EXOC8: variants seen among roughly 807,000 people sequenced by gnomAD.
The protein encoded by EXOC8 is exocyst complex 84 kDa subunit.
Under a neutral mutation model 50.8 loss-of-function variants are expected in EXOC8, and 19 were observed. The observed-to-expected ratio is 0.37, with a 90% CI of 0.26 to 0.55. The LOEUF (loss-of-function observed/expected upper bound fraction) is 0.55. Ranked by LOEUF, EXOC8 falls within the 20% of genes least tolerant of loss-of-function variation. The pLI is 0.80. For synonymous variants in EXOC8, 384 were observed against 367.9 expected (o/e 1.04, Z -0.50); for missense variants, 781 against 915.8 (o/e 0.85, Z 1.90).
At position 231,337,289 on chromosome 1, in the gene EXOC8, G is replaced by T; in HGVS notation, c.457C>A (p.Pro153Thr). ...GTGCGCTGCTTTCCTTCCTCGCCTG[G>T]ACCGGAGCCGTCGCGGGAGGCACCC... Reference protein sequence around the residue: ...PGGASRDGSGPGEEGKQRTLT... With the variant: ...PGGASRDGSGTGEEGKQRTLT... Residue 153 changes from proline (P) to threonine (T), a missense_variant, in exon 1 of 1, where the codon CCA (proline) becomes ACA (threonine). Physicochemically the swap from Pro to Thr is conservative, Grantham distance 38. Coordinates refer to ENST00000366645, the MANE Select transcript of EXOC8 (RefSeq NM_175876.5). The surrounding 1 kb of genome is among the most constrained non-coding windows in gnomAD (Gnocchi z 5.9). 6.2e-7 allele frequency: 1 copy of T among 1,605,340 alleles called. No individual in the cohort carries two copies.
In EXOC8 at chr1:231,337,353, G is replaced by A; in HGVS notation, c.393C>T (p.Asp131=). 5.6e-6 allele frequency: 9 copies of A among 1,602,030 alleles called. No homozygotes were observed. Among genetic ancestry groups the A allele is most frequent in the Non-Finnish European group, 7.6e-6 (9 of 1,179,734 alleles). The part of the protein sequence containing the change: ...EEGVGGAGGR[D]HLRGQAGFFS... ...AAAAGCCGGCCTGGCCTCGGAGGTGGTCTCGGCCCCCCGCCCCACCGACTC... is the reference window on the plus strand; with the variant it reads ...AAAAGCCGGCCTGGCCTCGGAGGTGATCTCGGCCCCCCGCCCCACCGACTC... The change falls in exon 1 of 1, where the codon GAC becomes GAT. Residue 131 remains aspartate, a synonymous_variant. Coordinates refer to ENST00000366645, the MANE Select transcript of EXOC8 (RefSeq NM_175876.5). The surrounding 1 kb of genome is among the most constrained non-coding windows in gnomAD (Gnocchi z 5.9).
In EXOC8 at chr1:231,334,811, T is replaced by C. The variant is rs1186564294; in HGVS notation, c.*757A>G. ...AGTTTCAAGAAAGAATTCTTTTGAC[T>C]AAAACTTACCTTAAAACCAATTTTC... is the stretch of plus-strand genomic sequence containing the variant. On this transcript the variant is annotated 3_prime_UTR_variant, in exon 1 of 1. Coordinates refer to ENST00000366645, the MANE Select transcript of EXOC8 (RefSeq NM_175876.5). 1 of 152,210 alleles carries C rather than the reference T, an allele frequency of 6.6e-6. No individual in the cohort carries two copies. The highest frequency in any genetic ancestry group is 1.5e-5 in the Non-Finnish European group (1 of 68,036). The allele number at this position is 152,210 out of a possible 1,614,324, so 9.4% of individuals were successfully genotyped here.
rs1686642739 is a variant in EXOC8 at position 231,335,318 on chromosome 1, CAGA to C, written c.*247_*249del. 7.0e-6 allele frequency: 2 copies of C among 286,320 alleles called. No homozygotes were observed. The highest frequency in any genetic ancestry group is 1.3e-5 in the Non-Finnish European group (2 of 157,786). 17.7% of individuals were successfully genotyped at this position (286,320 alleles called of 1,614,324 possible). On this transcript the variant is annotated 3_prime_UTR_variant, in exon 1 of 1. Transcript: ENST00000366645. ...ATAGTATATAGTGTGACCATAATTT[CAGA>C]AGAAGAGAATTAGCATAATTTAAAA... is the stretch of plus-strand genomic sequence containing the variant.
At position 231,337,791 on chromosome 1, in the gene EXOC8, C is replaced by T. The variant is rs751860034; in HGVS notation, c.-46G>A. The T allele has an allele frequency of 2.6e-6, 4 of 1,540,446 alleles. No homozygotes were observed. In the Admixed American group the frequency reaches 6.2e-5, roughly 24 times the overall value. ...CTCACTGTCACTATCGGCGCCGCAG[C>T]CGCCGCGGCTGTCTAGACCCACCCA... On this transcript the variant is annotated 5_prime_UTR_variant, in exon 1 of 1. Transcript: ENST00000366645. The surrounding 1 kb of genome is among the most constrained non-coding windows in gnomAD (Gnocchi z 5.9).
At position 231,336,755 on chromosome 1, in the gene EXOC8, C is replaced by A. The variant is rs761806541; in HGVS notation, c.991G>T (p.Asp331Tyr). The change falls in exon 1 of 1, where the codon GAC (aspartate) becomes TAC (tyrosine). Residue 331 changes from aspartate to tyrosine, a missense_variant. This residue lies in a region of EXOC8 where 700 missense variants were observed against 804.1 expected (regional missense o/e 0.87). Transcript: ENST00000366645. The surrounding 1 kb of genome is among the most constrained non-coding windows in gnomAD (Gnocchi z 5.4). ...TCCTGGATCCATTCCATGGAGAGGTCCACCTTCTCTTCCTCTACCTCAGGA... is the reference window on the plus strand; with the variant it reads ...TCCTGGATCCATTCCATGGAGAGGTACACCTTCTCTTCCTCTACCTCAGGA... ...AVPEVEEEKV[D>Y]LSMEWIQELP... is the part of the protein sequence containing the mutation. The A allele has an allele frequency of 1.1e-5, 18 of 1,614,212 alleles. No homozygotes were observed. Among genetic ancestry groups the A allele is most frequent in the Non-Finnish European group, 1.4e-5 (17 of 1,180,032 alleles).
Position 231,337,657 on chromosome 1 carries a change from T to A in EXOC8, c.89A>T (p.Gln30Leu). 3.1e-6 allele frequency: 5 copies of A among 1,609,976 alleles called. No homozygotes were observed. The highest frequency in any genetic ancestry group is 4.2e-6 in the Non-Finnish European group (5 of 1,179,974). ...GTCCCCATCCGACTGCTGCGAGAGC[T>A]GCTTCACGTACAGCCGCGCCTCAAA... Reference protein sequence around the residue: ...GGFEARLYVKQLSQQSDGDRD... With the variant: ...GGFEARLYVKLLSQQSDGDRD... Residue 30 changes from glutamine to leucine, a missense_variant, in exon 1 of 1, where the codon CAG (glutamine) becomes CTG (leucine). This residue lies in a region of EXOC8 where 700 missense variants were observed against 804.1 expected (regional missense o/e 0.87). Transcript: ENST00000366645. The surrounding 1 kb of genome is among the most constrained non-coding windows in gnomAD (Gnocchi z 5.9).
In EXOC8 at chr1:231,335,943, A is replaced by C; in HGVS notation, c.1803T>G (p.Phe601Leu). 1 of 1,614,166 alleles carries C rather than the reference A, an allele frequency of 6.2e-7. No homozygotes were observed. The highest frequency in any genetic ancestry group is 8.5e-7 in the Non-Finnish European group (1 of 1,180,012). Residue 601 changes from phenylalanine (F) to leucine (L), a missense_variant, in exon 1 of 1, where the codon TTT (phenylalanine) becomes TTG (leucine). Phe to Leu is a conservative substitution (Grantham distance 22, BLOSUM62 0). Coordinates refer to ENST00000366645, the MANE Select transcript of EXOC8 (RefSeq NM_175876.5). Reference protein sequence around the residue: ...EEMKSCGVSNFEQYTGDDCWV... With the variant: ...EEMKSCGVSNLEQYTGDDCWV... ...AGCAGTCATCCCCTGTGTACTGCTC[A>C]AAGTTACTTACCCCACAACTTTTCA...
Position 231,337,342 on chromosome 1 carries a change from C to A in EXOC8, c.404G>T (p.Gly135Val). 6.2e-7 allele frequency: 1 copy of A among 1,602,300 alleles called. No homozygotes were observed. Reference protein sequence around the residue: ...GGAGGRDHLRGQAGFFSTPGG... With the variant: ...GGAGGRDHLRVQAGFFSTPGG... ...GGGGGTGGAGAAAAAGCCGGCCTGG[C>A]CTCGGAGGTGGTCTCGGCCCCCCGC... The change falls in exon 1 of 1, where the codon GGC becomes GTC. Residue 135 changes from glycine (G) to valine (V), a missense_variant. Gly to Val is a moderately radical substitution (Grantham distance 109). This residue lies in a region of EXOC8 where 700 missense variants were observed against 804.1 expected (regional missense o/e 0.87). Transcript: ENST00000366645. The surrounding 1 kb of genome is among the most constrained non-coding windows in gnomAD (Gnocchi z 5.9).
Position 231,337,347 on chromosome 1 carries a change from G to A in EXOC8, c.399C>T (p.Leu133=). ...TGGAGAAAAAGCCGGCCTGGCCTCG[G>A]AGGTGGTCTCGGCCCCCCGCCCCAC... The part of the protein sequence containing the change: ...GVGGAGGRDH[L]RGQAGFFSTP... Residue 133 remains leucine (L), a synonymous_variant, in exon 1 of 1, where the codon CTC becomes CTT. Transcript: ENST00000366645. This position sits in a 1 kb window ranked among gnomAD's most constrained non-coding sequence, Gnocchi z 5.9. The A allele has an allele frequency of 6.2e-7, 1 of 1,602,392 alleles. No homozygotes were observed. Among genetic ancestry groups the A allele is most frequent in the African/African-American group, 1.3e-5 (1 of 75,038 alleles).
In EXOC8 at chr1:231,335,946, G is replaced by T. The variant is rs1361722111; in HGVS notation, c.1800C>A (p.Asn600Lys). Residue 600 changes from asparagine (N) to lysine (K), a missense_variant, in exon 1 of 1, where the codon AAC becomes AAA. Transcript: ENST00000366645. ...AGTCATCCCCTGTGTACTGCTCAAA[G>T]TTACTTACCCCACAACTTTTCATCT... ...KEEMKSCGVS[N>K]FEQYTGDDCW... is the part of the protein sequence containing the mutation. 4 of 1,614,070 alleles carry T rather than the reference G, an allele frequency of 2.5e-6. No homozygotes were observed. Among genetic ancestry groups the T allele is most frequent in the Non-Finnish European group, 2.5e-6 (3 of 1,180,054 alleles).
Position 231,335,969 on chromosome 1 carries a change from T to A in EXOC8, c.1777A>T (p.Met593Leu), listed in dbSNP as rs1423107293. Residue 593 changes from methionine (M) to leucine (L), a missense_variant, in exon 1 of 1, where the codon ATG (methionine) becomes TTG (leucine). Met to Leu is a conservative substitution (Grantham distance 15). Around this residue, in one of 3 missense-constraint regions of EXOC8, gnomAD observed 700 missense variants for 804.1 expected, o/e 0.87. Coordinates refer to ENST00000366645, the MANE Select transcript of EXOC8 (RefSeq NM_175876.5). ...PEALGKLKEE[M>L]KSCGVSNFEQ... ...AAGTTACTTACCCCACAACTTTTCA[T>A]CTCTTCTTTGAGCTTACCCAGGGCT... The A allele has an allele frequency of 3.7e-6, 6 of 1,614,186 alleles. No homozygotes were observed. The Middle Eastern group carries it at 4.9e-4, about 133-fold the overall frequency.
Position 231,337,544 on chromosome 1 carries a change from G to C in EXOC8, c.202C>G (p.Arg68Gly). Residue 68 changes from arginine (R) to glycine (G), a missense_variant, in exon 1 of 1, where the codon CGG becomes GGG. By Grantham distance (125) the Arg-to-Gly change is moderately radical. This residue lies in a region of EXOC8 where 700 missense variants were observed against 804.1 expected (regional missense o/e 0.87). Transcript: ENST00000366645. This position sits in a 1 kb window ranked among gnomAD's most constrained non-coding sequence, Gnocchi z 5.9. ...TCGCGGGCCGTCTCTATGAACTGCCGGTAGTTCTGGTAGACGTTGCGCTTC... is the reference window on the plus strand; with the variant it reads ...TCGCGGGCCGTCTCTATGAACTGCCCGTAGTTCTGGTAGACGTTGCGCTTC... ...NLKRNVYQNY[R>G]QFIETAREIS... is the part of the protein sequence containing the mutation. The C allele has an allele frequency of 6.2e-7, 1 of 1,613,204 alleles. No homozygotes were observed. The highest frequency in any genetic ancestry group is 8.5e-7 in the Non-Finnish European group (1 of 1,179,936).
Position 231,337,065 on chromosome 1 carries a change from G to A in EXOC8, c.681C>T (p.Tyr227=). The A allele has an allele frequency of 6.2e-7, 1 of 1,614,102 alleles. No individual in the cohort carries two copies. Among genetic ancestry groups the A allele is most frequent in the Non-Finnish European group, 8.5e-7 (1 of 1,180,034 alleles). The change falls in exon 1 of 1, where the codon TAC becomes TAT. Residue 227 remains tyrosine (Y), a synonymous_variant. Transcript: ENST00000366645. The surrounding 1 kb of genome is among the most constrained non-coding windows in gnomAD (Gnocchi z 5.9). ...WLPQRRGMYR[Y]NALYSLDGLA... ...AACCATCTAGGGAATAGAGAGCGTT[G>A]TAGCGATACATCCCACGCCGCTGAG...
Position 231,336,131 on chromosome 1 carries a change from G to T in EXOC8, c.1615C>A (p.Leu539Ile). ...CQQLGDIGLD[L>I]TFIIHALLVK... is the part of the protein sequence containing the mutation. ...AGAAGGGCATGGATGATGAAGGTGAGATCCAGTCCGATATCACCCAGTTGC... is the reference window on the plus strand; with the variant it reads ...AGAAGGGCATGGATGATGAAGGTGATATCCAGTCCGATATCACCCAGTTGC... Residue 539 changes from leucine (L) to isoleucine (I), a missense_variant, in exon 1 of 1, where the codon CTC (leucine) becomes ATC (isoleucine). By Grantham distance (5) the Leu-to-Ile change is conservative. Coordinates refer to ENST00000366645, the MANE Select transcript of EXOC8 (RefSeq NM_175876.5). The surrounding 1 kb of genome is among the most constrained non-coding windows in gnomAD (Gnocchi z 5.4). 6.2e-7 allele frequency: 1 copy of T among 1,614,188 alleles called. No homozygotes were observed. The highest frequency in any genetic ancestry group is 2.2e-5 in the East Asian group (1 of 44,892).
At position 231,337,677 on chromosome 1, in the gene EXOC8, C is replaced by T. The variant is rs757524889; in HGVS notation, c.69G>A (p.Glu23=). The change falls in exon 1 of 1, where the codon GAG becomes GAA. Residue 23 remains glutamate, a synonymous_variant. Transcript: ENST00000366645. This position sits in a 1 kb window ranked among gnomAD's most constrained non-coding sequence, Gnocchi z 5.9. ...LRRQLESGGF[E]ARLYVKQLSQ... ...AGAGCTGCTTCACGTACAGCCGCGC[C>T]TCAAAACCCCCTGACTCCAGCTGCC... 3 of 1,609,766 alleles carry T rather than the reference C, an allele frequency of 1.9e-6. No homozygotes were observed. Among genetic ancestry groups the T allele is most frequent in the South Asian group, 2.2e-5 (2 of 91,068 alleles).
Position 231,336,877 on chromosome 1 carries a change from C to T in EXOC8, c.869G>A (p.Arg290Lys). 1.9e-6 allele frequency: 3 copies of T among 1,614,186 alleles called. No individual in the cohort carries two copies. Among genetic ancestry groups the T allele is most frequent in the Non-Finnish European group, 2.5e-6 (3 of 1,180,042 alleles). The part of the protein sequence containing the change: ...TKRALSEKRR[R>K]EQEEAAAPRG... ...AGGGGCCGCTGCCTCCTCCTGCTCC[C>T]TTCGCCTTTTCTCACTGAGGGCCCT... Residue 290 changes from arginine (R) to lysine (K), a missense_variant, in exon 1 of 1, where the codon AGG (arginine) becomes AAG (lysine). By Grantham distance (26) the Arg-to-Lys change is conservative. Around this residue, in one of 3 missense-constraint regions of EXOC8, gnomAD observed 700 missense variants for 804.1 expected, o/e 0.87. Transcript: ENST00000366645. The surrounding 1 kb of genome is among the most constrained non-coding windows in gnomAD (Gnocchi z 5.4).
chr1:231,336,710 C>T lies in EXOC8; in HGVS notation c.1036G>A (p.Val346Ile), dbSNP rs1351604852. 1 of 1,614,232 alleles carries T rather than the reference C, an allele frequency of 6.2e-7. No individual in the cohort carries two copies. Among genetic ancestry groups the T allele is most frequent in the Admixed American group, 1.7e-5 (1 of 60,034 alleles). ...WIQELPEDLD[V>I]CIAQRDFEGA... ...TCAAAGTCTCTCTGCGCAATGCAGA[C>T]ATCCAGGTCTTCAGGTAACTCCTGG... Residue 346 changes from valine (V) to isoleucine (I), a missense_variant, in exon 1 of 1, where the codon GTC (valine) becomes ATC (isoleucine). Val to Ile is a conservative substitution (Grantham distance 29). Coordinates refer to ENST00000366645, the MANE Select transcript of EXOC8 (RefSeq NM_175876.5). The surrounding 1 kb of genome is among the most constrained non-coding windows in gnomAD (Gnocchi z 5.4).
chr1:231,334,615 C>T lies in EXOC8; in HGVS notation c.*953G>A, dbSNP rs1283707413. 6.6e-6 allele frequency: 1 copy of T among 152,166 alleles called. No individual in the cohort carries two copies. The highest frequency in any genetic ancestry group is 1.5e-5 in the Non-Finnish European group (1 of 68,022). The allele number at this position is 152,166 out of a possible 1,614,324, so 9.4% of individuals were successfully genotyped here. ...TATGTTGAAAACTTTTATTATAGTC[C>T]TTAGGATTTCCAAGTAAATGCTCCC... is the stretch of plus-strand genomic sequence containing the variant. On this transcript the variant is annotated 3_prime_UTR_variant, in exon 1 of 1. Coordinates refer to ENST00000366645, the MANE Select transcript of EXOC8 (RefSeq NM_175876.5).
chr1:231,335,993 C>T lies in EXOC8; in HGVS notation c.1753G>A (p.Ala585Thr). The T allele has an allele frequency of 1.2e-6, 2 of 1,614,198 alleles. No individual in the cohort carries two copies. The highest frequency in any genetic ancestry group is 1.7e-6 in the Non-Finnish European group (2 of 1,180,034). The change falls in exon 1 of 1, where the codon GCC (alanine) becomes ACC (threonine). Residue 585 changes from alanine to threonine, a missense_variant. Transcript: ENST00000366645. ...ATCTCTTCTTTGAGCTTACCCAGGG[C>T]TTCTGGCGTCATCAAGTTCATCCTC... Reference protein sequence around the residue: ...WRRMNLMTPEALGKLKEEMKS... With the variant: ...WRRMNLMTPETLGKLKEEMKS...
Sources: gnomAD v4.1 joint callset for allele counts on GRCh38, gnomAD v4.1.1 for gene constraint, gnomAD v4.1.1 regional missense constraint, Gnocchi (gnomAD v3.1) non-coding constraint, MANE v1.5 for transcripts, NCBI Gene and HGNC (gene_info 2026-07-23, HGNC 2026-07-21) for gene names.